PTPRD: variants seen among roughly 807,000 people sequenced by gnomAD.
PTPRD encodes the protein protein tyrosine phosphatase receptor type D.
In PTPRD, 34 loss-of-function variants were observed where a neutral mutation model predicts 214.5. That is an observed-to-expected ratio of 0.16 (90% CI 0.12 to 0.21). The LOEUF (loss-of-function observed/expected upper bound fraction) is 0.21, where lower values mean the gene tolerates loss of function less well. PTPRD is among the 10% of genes least tolerant of loss of function. PTPRD has a pLI of 1.00. For synonymous variants in PTPRD, 1,128 were observed against 845.7 expected (o/e 1.33, Z -5.79); for missense variants, 2,545 against 2,398.7 (o/e 1.06, Z -1.27).
chr9:9,918,760 C>G (rs930985164), intron 5 of PTPRD, among the ~76,000 whole-genome samples: 4 of 152,078 alleles, frequency 2.6e-5, no homozygotes, highest in Non-Finnish European at 4.4e-5. Context: ...TATCTATAGC[C>G]ATCTGATTTT....
chr9:10,427,509 C>G (rs1229557617), intron 2 of PTPRD, among the ~76,000 whole-genome samples: 1 of 152,004 alleles, frequency 6.6e-6, no homozygotes, highest in Non-Finnish European at 1.5e-5. Flanking sequence ...CCAGATGGCC[C>G]ATCGGCAGCT....
intron 12 of PTPRD, among the ~76,000 whole-genome samples, chr9:8,721,917 G>T (rs1024091691): frequency 6.6e-6 from 1 of 152,168 alleles, no homozygotes; most frequent in South Asian, 2.1e-4. Flanking sequence ...CCAACCTTCT[G>T]TTCCAAAGCT....
chr9:10,062,889 T>G (rs2091929799), intron 3 of PTPRD, among the ~76,000 whole-genome samples: 1 of 152,010 alleles, frequency 6.6e-6, no homozygotes, highest in Non-Finnish European at 1.5e-5. Context: ...CCAATTTACC[T>G]CTGTTAATGA....
intron 42 of PTPRD, among the ~76,000 whole-genome samples, chr9:8,340,097 C>A (rs940952167): frequency 6.6e-6 from 1 of 152,136 alleles, no homozygotes; most frequent in Non-Finnish European, 1.5e-5. Flanking sequence ...ACCTGCTACT[C>A]ATTTGTCTCC....
chr9:10,297,051 T>C (rs2095696517), intron 3 of PTPRD, among the ~76,000 whole-genome samples: 1 of 150,152 alleles, frequency 6.7e-6, no homozygotes, highest in African/African-American at 2.4e-5. Context: ...ATGGTAAATC[T>C]GAGTTTCCAG....
intron 3 of PTPRD, among the ~76,000 whole-genome samples, chr9:10,340,400 G>C (rs1046731438): frequency 1.3e-5 from 2 of 151,826 alleles, no homozygotes; most frequent in African/African-American, 2.4e-5. Context: ...ACTATGCACT[G>C]TATCACACAG....
chr9:9,226,921 T>G (rs76731568), intron 9 of PTPRD, among the ~76,000 whole-genome samples: 4,583 of 152,206 alleles, frequency 0.03, 198 homozygotes, highest in African/African-American at 0.092. Context: ...TAAATATATC[T>G]AAATTTTGTT....
At chr9:8,331,449 A>C (rs1840951848) in intron 44 of PTPRD, 133 bp downstream of exon 44, 1 of 1,024,950 alleles carries the variant, frequency 9.8e-7, no homozygotes, top group African/African-American at 1.7e-5. Flanking sequence ...AAGAGAAATC[A>C]ATCCTGCTTT....
chr9:9,187,684 T>TAAC (rs1319940078), intron 9 of PTPRD, among the ~76,000 whole-genome samples: 2 of 151,970 alleles, frequency 1.3e-5, no homozygotes, highest in African/African-American at 2.4e-5. Context: ...GCTGTGTTAA[T>TAAC]AACAACAACA....
chr9:10,252,697 C>A (rs1341276538), intron 3 of PTPRD, among the ~76,000 whole-genome samples: 1 of 152,078 alleles, frequency 6.6e-6, no homozygotes, highest in Non-Finnish European at 1.5e-5. Context: ...ATTTCTTTTT[C>A]ATTATTTTTT....
At chr9:9,864,540 G>A (rs148997458) in intron 5 of PTPRD, among the ~76,000 whole-genome samples, 1 of 151,940 alleles carries the variant, frequency 6.6e-6, no homozygotes, top group Non-Finnish European at 1.5e-5. Context: ...GTTTTTTGAG[G>A]CACGGTCTCA....
At chr9:8,764,007 G>A (rs1005657277) in intron 11 of PTPRD, among the ~76,000 whole-genome samples, 1 of 151,976 alleles carries the variant, frequency 6.6e-6, no homozygotes, top group African/African-American at 2.4e-5. Context: ...AATTATTGAG[G>A]GATTGTTTCT....
At chr9:10,092,703 T>C (rs1323890911) in intron 3 of PTPRD, among the ~76,000 whole-genome samples, 8 of 151,728 alleles carry the variant, frequency 5.3e-5, no homozygotes, top group African/African-American at 1.2e-4. Flanking sequence ...TTTTACACTA[T>C]ACTATAAAGA....
At chr9:10,336,854 C>CT (rs2096853327) in intron 3 of PTPRD, among the ~76,000 whole-genome samples, 1 of 151,562 alleles carries the variant, frequency 6.6e-6, no homozygotes, top group South Asian at 2.1e-4. Context: ...AAAACTGGAG[C>CT]TTTGGAAGTT....
At chr9:10,010,043 A>G (rs1401654618) in intron 4 of PTPRD, among the ~76,000 whole-genome samples, 1 of 151,866 alleles carries the variant, frequency 6.6e-6, no homozygotes. Context: ...GGGTCCATTC[A>G]GTTGGTTGAG....
chr9:10,064,771 TA>T (rs937116672), intron 3 of PTPRD, among the ~76,000 whole-genome samples: 9 of 151,802 alleles, frequency 5.9e-5, no homozygotes, highest in Non-Finnish European at 8.8e-5. Flanking sequence ...TAAACTTGTA[TA>T]AAAAAAACTT....
At chr9:8,833,448 T>C (rs1399093477) in intron 11 of PTPRD, among the ~76,000 whole-genome samples, 3 of 152,112 alleles carry the variant, frequency 2.0e-5, no homozygotes, top group Admixed American at 6.6e-5. Context: ...TATTCATCGC[T>C]TTAGTAGATG....
At position 8,467,795 on chromosome 9, in the gene PTPRD, G is replaced by A. The variant is rs1014096499; in HGVS notation, c.3505-2120C>T. Among the ~76,000 whole-genome samples the A allele has an allele frequency of 5.9e-5, 9 of 151,280 alleles. No homozygotes were observed. In the East Asian group the frequency reaches 1.6e-3, roughly 26 times the overall value. ...TTCATATGCTAATTAAAAAAAATCC[G>A]ATACCAAATATTTAATGAAGTATTA... On this transcript the variant is annotated intron_variant, in intron 31 of 45. Coordinates refer to ENST00000381196, the MANE Select transcript of PTPRD (RefSeq NM_002839.4).
chr9:8,405,588 C>T (rs1387038094), intron 35 of PTPRD, among the ~76,000 whole-genome samples: 1 of 151,946 alleles, frequency 6.6e-6, no homozygotes, highest in African/African-American at 2.4e-5. Context: ...TTATGGAAAT[C>T]AAAATACTTT....
Sources: allele counts gnomAD v4.1 joint callset (sites outside exome capture counted in the v4.1 genomes callset), GRCh38; gene constraint gnomAD v4.1.1; transcripts MANE v1.5; gene names NCBI Gene and HGNC (gene_info 2026-07-23, HGNC 2026-07-21).